The following RORA variants were observed in gnomAD, a reference collection of about 807,000 sequenced individuals.
RORA encodes nuclear receptor ROR-alpha.
RORA carries 7 observed loss-of-function variants against 69.5 expected under a neutral mutation model. That is an observed-to-expected ratio of 0.10 (90% confidence interval 0.06 to 0.19). The LOEUF (loss-of-function observed/expected upper bound fraction) is 0.19. Among genes scored for constraint, RORA ranks in the 10% least tolerant of loss-of-function variants. The pLI, the probability that RORA is intolerant of heterozygous loss-of-function variation, is 1.00. For missense variants in RORA, 457 were observed against 663.0 expected, an observed-to-expected ratio of 0.69 and a Z score of 3.41; for synonymous variants, 261 against 240.8, an observed-to-expected ratio of 1.08 and a Z score of -0.78.
rs993029009 is a variant in RORA at position 60,496,185 on chromosome 15, C to G, written c.*1270G>C. ...TAGAATTAGTTCACTCTGAGATAAA[C>G]TCATAGGGTTCCTAGATTATACCAA... On this transcript the variant is annotated 3_prime_UTR_variant, in exon 11 of 11. Coordinates refer to ENST00000335670, the MANE Select transcript of RORA (RefSeq NM_134261.3). The surrounding 1 kb of genome is among the most constrained non-coding windows in gnomAD (Gnocchi z 4.5). The G allele has an allele frequency of 6.6e-6, 1 of 152,122 alleles. No individual in the cohort carries two copies. Among genetic ancestry groups the G allele is most frequent in the African/African-American group, 2.4e-5 (1 of 41,408 alleles). The allele number at this position is 152,122 out of a possible 1,614,324, so 9.4% of individuals were successfully genotyped here. A position where few individuals can be genotyped will look rare whatever the true frequency, so the allele number is the denominator to read the frequency against.
intron 1 of RORA, among the ~76,000 whole-genome samples, chr15:61,099,966 A>C (rs908159056): frequency 6.6e-6 from 1 of 152,282 alleles, no homozygotes; most frequent in Middle Eastern, 3.4e-3. Context: ...CTTTTGTCAA[A>C]CTTAATTTAA....
chr15:61,016,327 C>T (rs923127802), intron 1 of RORA, among the ~76,000 whole-genome samples: 1 of 152,160 alleles, frequency 6.6e-6, no homozygotes, highest in Non-Finnish European at 1.5e-5. Flanking sequence ...ATTATGGTTG[C>T]CGTCATCATT....
At chr15:60,725,949 G>A (rs2071351499) in intron 1 of RORA, among the ~76,000 whole-genome samples, 1 of 152,198 alleles carries the variant, frequency 6.6e-6, no homozygotes, top group Non-Finnish European at 1.5e-5. Flanking sequence ...AGAAAGGCAA[G>A]GGGTGAATGG....
intron 1 of RORA, among the ~76,000 whole-genome samples, chr15:61,069,460 G>A (rs2078309388): frequency 6.6e-6 from 1 of 152,128 alleles, no homozygotes; most frequent in African/African-American, 2.4e-5. Flanking sequence ...AAAAGAGAGG[G>A]CAGACAAAAA....
chr15:60,653,802 C>A (rs1443688131), intron 2 of RORA, among the ~76,000 whole-genome samples: 1 of 151,668 alleles, frequency 6.6e-6, no homozygotes, highest in Non-Finnish European at 1.5e-5. Context: ...ACTCTGATAT[C>A]ATATTTCCTA....
intron 1 of RORA, among the ~76,000 whole-genome samples, chr15:61,115,998 T>C (rs772467193): frequency 1.2e-4 from 19 of 152,104 alleles, no homozygotes; most frequent in Non-Finnish European, 2.5e-4. Context: ...GATCCACCAT[T>C]AGTGAAACAC....
Position 60,500,001 on chromosome 15 carries a change from C to T in RORA, c.1298G>A (p.Arg433His), listed in dbSNP as rs201625252. ...TTTTACCTTTTCTTGCAGCCATGAG[C>T]GATCTAAGCATAAAAAAATGATATT... ...FSAFVLMSADRSWLQEKVKIE... is the reference protein window; with the variant it reads ...FSAFVLMSADHSWLQEKVKIE... The change falls in exon 10 of 11, where the codon CGC (arginine) becomes CAC (histidine). Residue 433 changes from arginine (R) to histidine (H), a missense_variant. Around this residue, in one of 3 missense-constraint regions of RORA, gnomAD observed 304 missense variants for 447.4 expected, o/e 0.68. Transcript: ENST00000335670. 6 of 1,594,026 alleles carry T rather than the reference C, an allele frequency of 3.8e-6. No individual in the cohort carries two copies. The highest frequency in any genetic ancestry group is 3.4e-6 in the Non-Finnish European group (4 of 1,164,940).
At chr15:60,727,017 A>C (rs2140832652) in intron 1 of RORA, among the ~76,000 whole-genome samples, 1 of 152,260 alleles carries the variant, frequency 6.6e-6, no homozygotes, top group East Asian at 1.9e-4. Flanking sequence ...TTTTGATCGC[A>C]AACTCCTGTG....
chr15:60,750,915 C>G (rs561145690), intron 1 of RORA, among the ~76,000 whole-genome samples: 1 of 152,266 alleles, frequency 6.6e-6, no homozygotes, highest in Non-Finnish European at 1.5e-5. Flanking sequence ...ATTCAAGCAC[C>G]TTAGTTCCAA....
chr15:60,953,984 C>T (rs181617930), intron 1 of RORA, among the ~76,000 whole-genome samples: 1 of 151,904 alleles, frequency 6.6e-6, no homozygotes, highest in Non-Finnish European at 1.5e-5. Flanking sequence ...TATAAAGACA[C>T]ATGCACACGT....
intron 2 of RORA, among the ~76,000 whole-genome samples, chr15:60,560,459 CAAGGTGAG>C (rs1239626011): frequency 6.6e-6 from 1 of 151,948 alleles, no homozygotes; most frequent in Non-Finnish European, 1.5e-5. Flanking sequence ...TTTGGGAAGC[CAAGGTGAG>C]AGGATCACTT....
At chr15:61,156,949 G>A (rs1367955141) in intron 1 of RORA, among the ~76,000 whole-genome samples, 2 of 152,118 alleles carry the variant, frequency 1.3e-5, no homozygotes, top group Non-Finnish European at 2.9e-5. Flanking sequence ...CCTGGGTACT[G>A]CCAGAGCCTC....
At chr15:60,663,432 T>G (rs1322094389) in intron 2 of RORA, among the ~76,000 whole-genome samples, 2 of 152,172 alleles carry the variant, frequency 1.3e-5, no homozygotes, top group African/African-American at 4.8e-5. Flanking sequence ...TGAGCTAAAT[T>G]AATGGTAATG....
chr15:60,607,276 T>C (rs558650542), intron 2 of RORA, among the ~76,000 whole-genome samples: 1 of 152,162 alleles, frequency 6.6e-6, no homozygotes, highest in African/African-American at 2.4e-5. Context: ...TTATAATGAC[T>C]TTGAATCACT....
chr15:61,218,408 ACT>A (rs2140944601), intron 1 of RORA, among the ~76,000 whole-genome samples: 1 of 152,216 alleles, frequency 6.6e-6, no homozygotes, highest in South Asian at 2.1e-4. Context: ...ATCCTGAAAC[ACT>A]GAGATGTTCT....
chr15:60,698,360 C>G (rs1444425625), intron 1 of RORA, among the ~76,000 whole-genome samples: 2 of 152,144 alleles, frequency 1.3e-5, no homozygotes, highest in Non-Finnish European at 2.9e-5. Context: ...CGACCACTCC[C>G]TAGCCTGCCC....
At chr15:60,792,533 G>C (rs534421412) in intron 1 of RORA, among the ~76,000 whole-genome samples, 1 of 152,212 alleles carries the variant, frequency 6.6e-6, no homozygotes, top group African/African-American at 2.4e-5. Flanking sequence ...GAAGTCGAAA[G>C]ATAAAGAGAA....
At chr15:60,501,109 ATTGTCT>A in intron 8 of RORA, 40 bp from the exon 9 acceptor site, 1 of 1,285,616 alleles carries the variant, frequency 7.8e-7, no homozygotes, top group Non-Finnish European at 1.1e-6. Context: ...AATTTTGATT[ATTGTCT>A]TAGGAGAAAA....
intron 1 of RORA, among the ~76,000 whole-genome samples, chr15:60,958,792 C>T (rs1893339704): frequency 6.6e-6 from 1 of 152,126 alleles, no homozygotes; most frequent in Admixed American, 6.6e-5. Context: ...TGGAATGTGT[C>T]CTGTGGGAAG....
Sources: gnomAD v4.1 joint callset for allele counts (sites outside exome capture counted in the v4.1 genomes callset) on GRCh38, gnomAD v4.1.1 for gene constraint, gnomAD v4.1.1 regional missense constraint, Gnocchi (gnomAD v3.1) non-coding constraint, MANE v1.5 for transcripts, NCBI Gene and HGNC (gene_info 2026-07-23, HGNC 2026-07-21) for gene names.